The following CDC42BPA variants were observed in gnomAD, a reference collection of about 807,000 sequenced individuals.
CDC42BPA encodes the protein CDC42 binding protein kinase alpha, also known as serine/threonine-protein kinase MRCK alpha.
CDC42BPA carries 80 observed loss-of-function variants against 223.5 expected under a neutral mutation model. The observed-to-expected ratio is 0.36, with a 90% CI of 0.30 to 0.43. CDC42BPA has a LOEUF of 0.43. Ranked by LOEUF, CDC42BPA falls within the 20% of genes least tolerant of loss-of-function variation. The probability of loss-of-function intolerance (pLI) is 1.00; values close to 1 mark genes in which losing one functional copy is unlikely to be tolerated. For synonymous variants in CDC42BPA, 694 were observed against 718.6 expected, an observed-to-expected ratio of 0.97 and a Z score of 0.55; for missense variants, 1,743 against 2,099.9, an observed-to-expected ratio of 0.83 and a Z score of 3.32.
At chr1:227,238,784 G>A (rs1158980191) in intron 2 of CDC42BPA, among the ~76,000 whole-genome samples, 1 of 152,160 alleles carries the variant, frequency 6.6e-6, no homozygotes, top group Non-Finnish European at 1.5e-5. Context: ...GTATAAGAAA[G>A]ATGAACAATT....
At chr1:227,040,092 A>G (rs1295584281) in intron 24 of CDC42BPA, 39 bp downstream of exon 24, 1 of 1,145,270 alleles carries the variant, frequency 8.7e-7, no homozygotes, top group Non-Finnish European at 1.3e-6. Flanking sequence ...ATTACAATTT[A>G]GATAGTGAAG....
chr1:227,059,465 C>T, intron 21 of CDC42BPA: 1 of 1,401,898 alleles, frequency 7.1e-7, no homozygotes, highest in Non-Finnish European at 9.9e-7. Flanking sequence ...ACACATAAGA[C>T]TCTCAAGGAC....
At chr1:227,079,358 C>T (rs1238628857) in intron 17 of CDC42BPA, among the ~76,000 whole-genome samples, 1 of 152,100 alleles carries the variant, frequency 6.6e-6, no homozygotes, top group African/African-American at 2.4e-5. Context: ...ACATTGAAAG[C>T]TTCCTTCCAT....
At chr1:227,119,964 T>C (rs1553346449) in intron 11 of CDC42BPA, 27 bp from the exon 12 acceptor site, 19 of 1,546,032 alleles carry the variant, frequency 1.2e-5, no homozygotes, top group Non-Finnish European at 1.7e-5. Context: ...ATGTTTCTTT[T>C]ACTATTTGTA....
chr1:227,030,483 T>C lies in CDC42BPA; in HGVS notation c.3776-13A>G, dbSNP rs775223120. 3.3e-6 allele frequency: 5 copies of C among 1,534,672 alleles called. No individual in the cohort carries two copies. Among genetic ancestry groups the C allele is most frequent in the East Asian group, 4.7e-5 (2 of 42,658 alleles). On this transcript the variant is annotated splice_polypyrimidine_tract_variant and intron_variant, in intron 28 of 36. Transcript: ENST00000366766. ...ATTCTTTCATGATCTATGTAAGACA[T>C]GAATGTGAAAGATTTTTATTAGGAA...
At chr1:227,034,971 G>A (rs1473556633) in intron 25 of CDC42BPA, among the ~76,000 whole-genome samples, 177 bp from the exon 26 acceptor site, 1 of 152,166 alleles carries the variant, frequency 6.6e-6, no homozygotes, top group Admixed American at 6.5e-5. Context: ...GAGAAAATGT[G>A]AGAACACATT....
intron 1 of CDC42BPA, among the ~76,000 whole-genome samples, chr1:227,304,308 AGGCAGAAG>A: frequency 6.6e-6 from 1 of 152,240 alleles, no homozygotes. Flanking sequence ...CAGGAGGCTG[AGGCAGAAG>A]AATTGCTTAA....
At chr1:227,226,338 T>C (rs2147921996) in intron 2 of CDC42BPA, among the ~76,000 whole-genome samples, 1 of 152,324 alleles carries the variant, frequency 6.6e-6, no homozygotes, top group African/African-American at 2.4e-5. Context: ...CTTGATCTCT[T>C]TTAACAGAAA....
At chr1:227,281,801 C>T (rs899442486) in intron 1 of CDC42BPA, among the ~76,000 whole-genome samples, 13 of 152,262 alleles carry the variant, frequency 8.5e-5, no homozygotes, top group Admixed American at 6.5e-4. Flanking sequence ...TGAACCTCTG[C>T]ACATGTCCCT....
At chr1:227,193,137 C>T (rs1023153570) in intron 5 of CDC42BPA, among the ~76,000 whole-genome samples, 10 of 141,652 alleles carry the variant, frequency 7.1e-5, no homozygotes, top group Non-Finnish European at 1.1e-4. Context: ...GGCGGGATCT[C>T]GGCTCACTGC....
At chr1:227,315,955 C>CAAAAAAAAAAAAAAAAAAAAAAAAAAAAA (rs71180728) in intron 1 of CDC42BPA, among the ~76,000 whole-genome samples, 1 of 110,966 alleles carries the variant, frequency 9.0e-6, no homozygotes, top group African/African-American at 3.7e-5. Context: ...ATTTCAAATC[C>CAAAAAAAAAAAAAAAAAAAAAAAAAAAAA]AAAAAAAAAA....
At position 227,283,926 on chromosome 1, in the gene CDC42BPA, C is replaced by T. The variant is rs183479100; in HGVS notation, c.179-29771G>A. 1.8e-3 allele frequency among the ~76,000 whole-genome samples: 272 copies of T among 152,182 alleles called. 1 individual carries two copies. Among genetic ancestry groups the T allele is most frequent in the African/African-American group, 6.0e-3 (251 of 41,494 alleles). On this transcript the variant is annotated intron_variant, in intron 1 of 36. Coordinates refer to ENST00000366766, the MANE Select transcript of CDC42BPA (RefSeq NM_001394014.1). The stretch of plus-strand genomic sequence containing the variant: ...TGCCCAAATTAGCTGGGCATGGTGG[C>T]GCATGACTGTAATCCCAGCACTCGG...
At chr1:227,010,689 A>G (rs899278314) in intron 34 of CDC42BPA, among the ~76,000 whole-genome samples, 23 of 151,990 alleles carry the variant, frequency 1.5e-4, no homozygotes, top group Non-Finnish European at 3.1e-4. Flanking sequence ...AGAAGAAACA[A>G]AATAGAAATG....
At chr1:227,313,032 T>C (rs948435378) in intron 1 of CDC42BPA, among the ~76,000 whole-genome samples, 4 of 152,278 alleles carry the variant, frequency 2.6e-5, no homozygotes, top group Non-Finnish European at 1.5e-5. Context: ...GGTAGTTCTT[T>C]ATAGCAATGC....
chr1:227,190,087 C>T (rs1022379840), intron 5 of CDC42BPA, among the ~76,000 whole-genome samples: 3 of 152,186 alleles, frequency 2.0e-5, no homozygotes, highest in Non-Finnish European at 4.4e-5. Flanking sequence ...ACTCTTTTCT[C>T]TAGCCAAACT....
intron 21 of CDC42BPA, chr1:227,059,258 A>G: frequency 1.2e-6 from 1 of 817,556 alleles, no homozygotes; most frequent in South Asian, 1.5e-5. Context: ...CAAAGCATGC[A>G]ATAGATGTAA....
intron 32 of CDC42BPA, among the ~76,000 whole-genome samples, chr1:227,019,090 T>C (rs1666879038): frequency 1.3e-5 from 2 of 152,202 alleles, no homozygotes; most frequent in African/African-American, 2.4e-5. Context: ...TTTGGTAACA[T>C]TTTACCCACA....
chr1:227,099,294 G>A (rs558078260), intron 15 of CDC42BPA, among the ~76,000 whole-genome samples: 1 of 151,682 alleles, frequency 6.6e-6, no homozygotes, highest in South Asian at 2.1e-4. Context: ...CCTTCAGGAA[G>A]TATTCCCGAA....
At chr1:227,072,687 A>G (rs1678644849) in intron 19 of CDC42BPA, among the ~76,000 whole-genome samples, 1 of 152,046 alleles carries the variant, frequency 6.6e-6, no homozygotes, top group Admixed American at 6.6e-5. Flanking sequence ...GAATTCTGTT[A>G]GACTTTGTTA....
Sources: gnomAD v4.1 joint callset for allele counts (sites outside exome capture counted in the v4.1 genomes callset) on GRCh38, gnomAD v4.1.1 for gene constraint, MANE v1.5 for transcripts, NCBI Gene and HGNC (gene_info 2026-07-23, HGNC 2026-07-21) for gene names.